Variants in F9 observed in about 807,000 individuals in gnomAD.
F9 encodes the protein Christmas factor.
F9 carries 2 observed loss-of-function variants against 34.1 expected under a neutral mutation model. The ratio of observed to expected loss-of-function variants is 0.06; its 90% confidence interval spans 0.02 to 0.18. F9 has a LOEUF of 0.18. Ranked by LOEUF, F9 falls within the 10% of genes least tolerant of loss-of-function variation. The probability of loss-of-function intolerance (pLI) is 1.00; values close to 1 mark genes in which losing one functional copy is unlikely to be tolerated. For synonymous variants in F9, 137 were observed against 118.8 expected (o/e 1.15, Z -1.00); for missense variants, 216 against 345.1 (o/e 0.63, Z 2.96).
rs746148956 is a variant in F9 at position 139,541,138 on chromosome X, T to G, written c.340T>G (p.Ser114Ala). ...CGGCAGTTGCAAGGATGACATTAAT[T>G]CCTATGAATGTTGGTGTCCCTTTGG... ...NGGSCKDDIN[S>A]YECWCPFGFE... is the part of the protein sequence containing the mutation. Residue 114 changes from serine to alanine, a missense_variant, in exon 4 of 8, where the codon TCC becomes GCC. This residue lies in a region of F9 where 177 missense variants were observed against 311.8 expected (regional missense o/e 0.57). Transcript: ENST00000218099. The G allele has an allele frequency of 8.3e-7, 1 of 1,200,680 alleles. No individual in the cohort carries two copies. Among genetic ancestry groups the G allele is most frequent in the East Asian group, 3.0e-5 (1 of 33,351 alleles).
chrX:139,561,416 T>G, intron 7 of F9, 108 bp from the exon 8 acceptor site: 3 of 689,284 alleles, frequency 4.4e-6, no homozygotes, highest in Non-Finnish European at 6.6e-6. Context: ...AATATAAGAA[T>G]GAGATCTTTA....
intron 5 of F9, among the ~76,000 whole-genome samples, chrX:139,550,812 T>C (rs1927822487): frequency 8.9e-6 from 1 of 112,000 alleles, no homozygotes. Flanking sequence ...GGAACACCTA[T>C]TCTATTTCCG....
At chrX:139,533,710 G>A (rs151253310) in intron 1 of F9, among the ~76,000 whole-genome samples, 27 of 111,623 alleles carry the variant, frequency 2.4e-4, no homozygotes, top group South Asian at 1.2e-3. Flanking sequence ...GGTCAGGGCC[G>A]GACTAGACTG....
chrX:139,547,347 G>A (rs1177762429), intron 4 of F9: 12 of 111,329 alleles, frequency 1.1e-4, no homozygotes, highest in Non-Finnish European at 2.3e-4. Flanking sequence ...TCACCATAAA[G>A]GAAAAGATTG....
chrX:139,534,861 A>C lies in F9; in HGVS notation c.89-2149A>C, dbSNP rs1927420003. Among the ~76,000 whole-genome samples the C allele has an allele frequency of 2.7e-5, 3 of 110,971 alleles. No individual in the cohort carries two copies. In the Admixed American group the frequency reaches 2.9e-4, roughly 11 times the overall value. On this transcript the variant is annotated intron_variant, in intron 1 of 7. Transcript: ENST00000218099. The stretch of plus-strand genomic sequence containing the variant: ...CAAGTAAATGAGTTGCTGAGCAGAG[A>C]GGTGGGTGGAGGCTGTGAGGCATCA...
intron 5 of F9, among the ~76,000 whole-genome samples, chrX:139,549,262 T>C (rs753090481): frequency 8.9e-6 from 1 of 111,918 alleles, no homozygotes; most frequent in South Asian, 3.7e-4. Flanking sequence ...TAAAGCCTGA[T>C]ATCTTATTAA....
chrX:139,541,077 T>G lies in F9; in HGVS notation c.279T>G (p.Asp93Glu). ...RTTEFWKQYV[D>E]GDQCESNPCL... ...TCAATTTCTTAACCTATCTCAAAGA[T>G]GGAGATCAGTGTGAGTCCAATCCAT... Residue 93 changes from aspartate to glutamate, a missense_variant and splice_region_variant, in exon 4 of 8, where the codon GAT (aspartate) becomes GAG (glutamate). Coordinates refer to ENST00000218099, the MANE Select transcript of F9 (RefSeq NM_000133.4). 8.4e-7 allele frequency: 1 copy of G among 1,184,861 alleles called. No individual in the cohort carries two copies. Among genetic ancestry groups the G allele is most frequent in the East Asian group, 3.0e-5 (1 of 32,853 alleles).
At chrX:139,554,849 C>T (rs1927930663) in intron 6 of F9, among the ~76,000 whole-genome samples, 2 of 112,484 alleles carry the variant, frequency 1.8e-5, no homozygotes, top group Admixed American at 9.4e-5. Flanking sequence ...TCAAATTAGC[C>T]AGGGTGGGAA....
In F9 at chrX:139,562,293, A is replaced by T; in HGVS notation, c.*222A>T. On this transcript the variant is annotated 3_prime_UTR_variant, in exon 8 of 8. Transcript: ENST00000218099. ...GTGTTAGGAAATTACAGTCATTTCT[A>T]AGGGCCCAGCCCTTGACAAAATTGT... The T allele has an allele frequency of 2.5e-6, 1 of 406,321 alleles. No homozygotes were observed. The highest frequency in any genetic ancestry group is 4.3e-6 in the Non-Finnish European group (1 of 234,555). 33.5% of individuals were successfully genotyped at this position (406,321 alleles called of 1,213,427 possible). A position where few individuals can be genotyped will look rare whatever the true frequency, so the allele number is the denominator to read the frequency against.
chrX:139,537,264 A>G, intron 2 of F9, 91 bp downstream of exon 2: 2 of 1,097,972 alleles, frequency 1.8e-6, no homozygotes, highest in Non-Finnish European at 1.3e-6. Flanking sequence ...TAAAGCATCC[A>G]TATATATTTA....
At position 139,560,830 on chromosome X, in the gene F9, T is replaced by C. The variant is rs1428123949; in HGVS notation, c.813T>C (p.Thr271=). 1 of 1,205,615 alleles carries C rather than the reference T, an allele frequency of 8.3e-7. No individual in the cohort carries two copies. Among genetic ancestry groups the C allele is most frequent in the South Asian group, 1.8e-5 (1 of 56,854 alleles). ...TAACTGCTGCCCACTGTGTTGAAAC[T>C]GGTGTTAAAATTACAGTTGTCGCAG... ...WIVTAAHCVE[T]GVKITVVAGE... The change falls in exon 7 of 8, where the codon ACT becomes ACC. Residue 271 remains threonine (T), a synonymous_variant. Coordinates refer to ENST00000218099, the MANE Select transcript of F9 (RefSeq NM_000133.4).
intron 6 of F9, among the ~76,000 whole-genome samples, chrX:139,556,972 A>C (rs1003151711): frequency 8.9e-6 from 1 of 112,199 alleles, no homozygotes; most frequent in South Asian, 3.7e-4. Context: ...GTTACGTTGG[A>C]GTTAAAGGTT....
chrX:139,541,336 C>T (rs1453142416), intron 4 of F9, 147 bp downstream of exon 4: 2 of 360,725 alleles, frequency 5.5e-6, no homozygotes, highest in Non-Finnish European at 5.0e-6. Flanking sequence ...TGATAGTTTT[C>T]AGGATATGAG....
chrX:139,562,189 T>G lies in F9; in HGVS notation c.*118T>G, dbSNP rs1220226764. ...AATATATACATTCTATGATCATTGC[T>G]TTTTCTCTTTACAGGGGAGAATTTC... On this transcript the variant is annotated 3_prime_UTR_variant, in exon 8 of 8. Coordinates refer to ENST00000218099, the MANE Select transcript of F9 (RefSeq NM_000133.4). 9.2e-6 allele frequency: 6 copies of G among 655,129 alleles called. No individual in the cohort carries two copies. The Admixed American group carries it at 1.5e-4, about 16-fold the overall frequency. 54.0% of individuals were successfully genotyped at this position (655,129 alleles called of 1,213,427 possible).
At chrX:139,548,118 C>A (rs913826605) in intron 4 of F9, among the ~76,000 whole-genome samples, 2 of 111,474 alleles carry the variant, frequency 1.8e-5, no homozygotes, top group African/African-American at 6.5e-5. Flanking sequence ...GTAGAATATC[C>A]AAACATTTAG....
intron 6 of F9, among the ~76,000 whole-genome samples, chrX:139,558,020 A>T (rs1344271313): frequency 8.9e-6 from 1 of 112,261 alleles, no homozygotes; most frequent in South Asian, 3.7e-4. Flanking sequence ...CACCTGCCCA[A>T]TGAGCACTGC....
At chrX:139,532,678 A>G (rs528548864) in intron 1 of F9, among the ~76,000 whole-genome samples, 2 of 111,979 alleles carry the variant, frequency 1.8e-5, no homozygotes, top group South Asian at 3.7e-4. Flanking sequence ...TGGGGAAACA[A>G]TTGATAGAGA....
chrX:139,533,683 G>A (rs1569481738), intron 1 of F9, among the ~76,000 whole-genome samples: 2 of 111,953 alleles, frequency 1.8e-5, no homozygotes, highest in Non-Finnish European at 3.8e-5. Flanking sequence ...TGTATGCTCA[G>A]TAAATTTTGT....
Position 139,562,164 on chromosome X carries a change from A to T in F9, c.*93A>T, listed in dbSNP as rs1323797273. ...ACTTTCCCATCTTTTGTTAGATTTG[A>T]ATATATACATTCTATGATCATTGCT... On this transcript the variant is annotated 3_prime_UTR_variant, in exon 8 of 8. Transcript: ENST00000218099. 1 of 771,011 alleles carries T rather than the reference A, an allele frequency of 1.3e-6. No individual in the cohort carries two copies. The highest frequency in any genetic ancestry group is 2.1e-5 in the African/African-American group (1 of 48,302). The allele number at this position is 771,011 out of a possible 1,213,427, so 63.5% of individuals were successfully genotyped here.
Sources: allele counts gnomAD v4.1 joint callset (sites outside exome capture counted in the v4.1 genomes callset), GRCh38; gene constraint gnomAD v4.1.1; regional missense constraint gnomAD v4.1.1; transcripts MANE v1.5; gene names NCBI Gene and HGNC (gene_info 2026-07-23, HGNC 2026-07-21).